Variants in SYT1 observed in about 807,000 individuals in gnomAD.
SYT1 encodes the protein synaptotagmin 1.
Under a neutral mutation model 44.8 loss-of-function variants are expected in SYT1, and 8 were observed. That is an observed-to-expected ratio of 0.18 (90% CI 0.10 to 0.32). The LOEUF is 0.32. SYT1 is among the 10% of genes least tolerant of loss of function. The pLI is 1.00. For synonymous variants in SYT1, 154 were observed against 188.8 expected, an observed-to-expected ratio of 0.82 and a Z score of 1.51; for missense variants, 286 against 509.3, an observed-to-expected ratio of 0.56 and a Z score of 4.22.
At chr12:79,308,097 C>T (rs1880504924) in intron 8 of SYT1, among the ~76,000 whole-genome samples, 1 of 152,188 alleles carries the variant, frequency 6.6e-6, no homozygotes, top group Non-Finnish European at 1.5e-5. Context: ...CCTCCTGAAA[C>T]ACCTGGAACA....
At chr12:78,999,179 A>T (rs1870566954) in intron 2 of SYT1, among the ~76,000 whole-genome samples, 2 of 152,290 alleles carry the variant, frequency 1.3e-5, no homozygotes, top group South Asian at 4.1e-4. Context: ...CGTGTTTTTC[A>T]TCTACATTAG....
chr12:79,112,555 G>T (rs1641895594), intron 3 of SYT1, among the ~76,000 whole-genome samples: 1 of 152,094 alleles, frequency 6.6e-6, no homozygotes. Flanking sequence ...AATACAGGAT[G>T]CTGTAAGAAG....
At chr12:79,299,324 AG>A (rs1880020580) in intron 7 of SYT1, 59 bp from the exon 8 acceptor site, 1 of 1,544,328 alleles carries the variant, frequency 6.5e-7, no homozygotes, top group Admixed American at 1.8e-5. Flanking sequence ...ACCATGAACA[AG>A]TAACATGTTT....
At chr12:79,387,626 CTG>C (rs1363871656) in intron 9 of SYT1, among the ~76,000 whole-genome samples, 1 of 152,198 alleles carries the variant, frequency 6.6e-6, no homozygotes, top group African/African-American at 2.4e-5. Context: ...TAAATGTCAA[CTG>C]TGCAGGCAAT....
rs74110313 is a variant in SYT1, at chr12:79,285,578, T to G, written c.167-209T>G. ...AATAGGGAGGAGATGACATTTGACA[T>G]ATCTGGAAGGGCAAAGTGGGAAAGA... On this transcript the variant is annotated intron_variant, in intron 4 of 10. Coordinates refer to ENST00000261205, the MANE Select transcript of SYT1 (RefSeq NM_005639.3). 3.7e-3 allele frequency among the ~76,000 whole-genome samples: 557 copies of G among 152,226 alleles called. 7 individuals are homozygous for G. The highest frequency in any genetic ancestry group is 0.013 in the African/African-American group (542 of 41,532).
At chr12:79,109,027 G>A (rs1011072730) in intron 3 of SYT1, among the ~76,000 whole-genome samples, 1 of 152,180 alleles carries the variant, frequency 6.6e-6, no homozygotes, top group Non-Finnish European at 1.5e-5. Flanking sequence ...GAGGAGGGCA[G>A]GGTTCAAGGA....
At position 78,869,861 on chromosome 12, in the gene SYT1, T is replaced by A. The variant is rs193287943; in HGVS notation, c.-217+4752T>A. On this transcript the variant is annotated intron_variant, in intron 1 of 10. Coordinates refer to ENST00000261205, the MANE Select transcript of SYT1 (RefSeq NM_005639.3). ...AGAGGTCAAAGTTTATCTTTTTTGG[T>A]TACTGCTATTGCGGAAATACAAAGA... Among the ~76,000 whole-genome samples the A allele has an allele frequency of 6.5e-3, 982 of 152,190 alleles. 9 individuals are homozygous for A. The highest frequency in any genetic ancestry group is 0.023 in the African/African-American group (943 of 41,550).
chr12:79,274,736 G>T (rs1378180718), intron 4 of SYT1, among the ~76,000 whole-genome samples: 1 of 152,102 alleles, frequency 6.6e-6, no homozygotes, highest in African/African-American at 2.4e-5. Context: ...GCCACAGCTG[G>T]CTCCCTCCTG....
At position 78,973,962 on chromosome 12, in the gene SYT1, T is replaced by A. The variant is rs867584356; in HGVS notation, c.-216-3837T>A. Among the ~76,000 whole-genome samples, 29 of 48,856 alleles carry A rather than the reference T, an allele frequency of 5.9e-4. 2 individuals carry two copies. Among genetic ancestry groups the A allele is most frequent in the Non-Finnish European group, 9.7e-4 (24 of 24,646 alleles). 32.1% of individuals were successfully genotyped at this position (48,856 alleles called of 152,430 possible). ...AAATATATATATATATATATATATATATATATATATATATATATATATATA... is the reference window on the plus strand; with the variant it reads ...AAATATATATATATATATATATATAAATATATATATATATATATATATATA... On this transcript the variant is annotated intron_variant, in intron 1 of 10. Coordinates refer to ENST00000261205, the MANE Select transcript of SYT1 (RefSeq NM_005639.3).
intron 3 of SYT1, among the ~76,000 whole-genome samples, chr12:79,060,124 C>T (rs745839584): frequency 2.0e-5 from 3 of 152,054 alleles, no homozygotes; most frequent in Non-Finnish European, 4.4e-5. Context: ...CGAAGGTGCT[C>T]AATGCTGGTT....
At chr12:79,288,577 A>AT (rs1284582580) in intron 5 of SYT1, among the ~76,000 whole-genome samples, 9 of 152,136 alleles carry the variant, frequency 5.9e-5, no homozygotes, top group African/African-American at 1.7e-4. Context: ...ACCAAGGAAG[A>AT]TTTTTTTAAA....
At chr12:78,901,063 A>G (rs2137097507) in intron 1 of SYT1, among the ~76,000 whole-genome samples, 1 of 152,230 alleles carries the variant, frequency 6.6e-6, no homozygotes, top group South Asian at 2.1e-4. Context: ...CACACTTTTT[A>G]AAACTTGTAT....
intron 1 of SYT1, among the ~76,000 whole-genome samples, chr12:78,963,759 G>C (rs926313198): frequency 6.6e-6 from 1 of 152,112 alleles, no homozygotes; most frequent in Non-Finnish European, 1.5e-5. Flanking sequence ...AAAAAAGCAA[G>C]AGGAGGCTTC....
chr12:79,142,608 A>G (rs1427173447), intron 3 of SYT1, among the ~76,000 whole-genome samples: 1 of 152,206 alleles, frequency 6.6e-6, no homozygotes. Context: ...CATTTGGCAA[A>G]ATGCTTGCAG....
At chr12:79,086,528 G>A (rs936487395) in intron 3 of SYT1, among the ~76,000 whole-genome samples, 1 of 152,088 alleles carries the variant, frequency 6.6e-6, no homozygotes, top group Admixed American at 6.6e-5. Flanking sequence ...CCCTTTTCTG[G>A]ACATTTTAGT....
intron 3 of SYT1, among the ~76,000 whole-genome samples, chr12:79,122,145 T>C (rs1213564286): frequency 1.3e-5 from 2 of 152,312 alleles, no homozygotes; most frequent in African/African-American, 2.4e-5. Flanking sequence ...TTCTTCAAAC[T>C]CTTCATCACT....
intron 1 of SYT1, among the ~76,000 whole-genome samples, chr12:78,949,988 A>G (rs1878877774): frequency 6.6e-6 from 1 of 151,968 alleles, no homozygotes; most frequent in South Asian, 2.1e-4. Flanking sequence ...CACAAGTTAC[A>G]AATATTTTAG....
At chr12:79,049,500 A>T (rs1172421031) in intron 3 of SYT1, among the ~76,000 whole-genome samples, 2 of 152,008 alleles carry the variant, frequency 1.3e-5, no homozygotes, top group East Asian at 3.9e-4. Flanking sequence ...AATAAAAAGT[A>T]TAATTTATCC....
intron 9 of SYT1, among the ~76,000 whole-genome samples, chr12:79,443,777 T>TAC (rs1199148222): frequency 1.3e-5 from 2 of 152,172 alleles, no homozygotes; most frequent in African/African-American, 4.8e-5. Flanking sequence ...GGTATATATA[T>TAC]ACCATAGACA....
Sources: gnomAD v4.1 joint callset for allele counts (sites outside exome capture counted in the v4.1 genomes callset) on GRCh38, gnomAD v4.1.1 for gene constraint, MANE v1.5 for transcripts, NCBI Gene and HGNC (gene_info 2026-07-23, HGNC 2026-07-21) for gene names.